Variants in HSPA4L observed in about 807,000 individuals in gnomAD.
The protein encoded by HSPA4L is heat shock protein family A (Hsp70) member 4 like, also known as heat shock 70 kDa protein 4L.
Under a neutral mutation model 100.3 loss-of-function variants are expected in HSPA4L, and 48 were observed. The ratio of observed to expected loss-of-function variants is 0.48; its 90% confidence interval spans 0.38 to 0.61. HSPA4L has a LOEUF of 0.61. Ranked by LOEUF, HSPA4L falls within the 20% of genes least tolerant of loss-of-function variation. The pLI is 0.00. For missense variants in HSPA4L, 886 were observed against 988.6 expected (o/e 0.90, Z 1.39); for synonymous variants, 319 against 328.2 (o/e 0.97, Z 0.30).
chr4:127,822,331 C>T lies in HSPA4L; in HGVS notation c.1813-438C>T, dbSNP rs139629583. Among the ~76,000 whole-genome samples the T allele has an allele frequency of 1.5e-3, 225 of 152,264 alleles. 4 individuals carry two copies. The highest frequency in any genetic ancestry group is 4.9e-3 in the African/African-American group (203 of 41,572). ...GACTTCAAGATTCCTTGTTTCAGCA[C>T]GTATCATAACTTCATTTCTTCTTAA... On this transcript the variant is annotated intron_variant, in intron 14 of 18. Coordinates refer to ENST00000296464, the MANE Select transcript of HSPA4L (RefSeq NM_014278.4).
intron 1 of HSPA4L, among the ~76,000 whole-genome samples, chr4:127,792,221 A>G (rs537586541): frequency 3.3e-5 from 5 of 152,300 alleles, no homozygotes; most frequent in Non-Finnish European, 7.3e-5. Flanking sequence ...TAAGATTATA[A>G]TCTGGCACCT....
chr4:127,783,649 T>C, intron 1 of HSPA4L: 1 of 1,535,288 alleles, frequency 6.5e-7, no homozygotes, highest in African/African-American at 1.4e-5. Context: ...GGAAACCAAC[T>C]GTATGAAACC....
rs768038412 is a variant in HSPA4L, at chr4:127,822,816, T to A, written c.1860T>A (p.Ala620=). 1 of 1,613,792 alleles carries A rather than the reference T, an allele frequency of 6.2e-7. No individual in the cohort carries two copies. Among genetic ancestry groups the A allele is most frequent in the East Asian group, 2.2e-5 (1 of 44,820 alleles). The change falls in exon 15 of 19, where the codon GCT becomes GCA. Residue 620 remains alanine, a synonymous_variant. Transcript: ENST00000296464. ...QDKLEKERND[A]KNAVEEYVYD... is the part of the protein sequence containing the mutation. ...AGTTAGAGAAAGAAAGAAATGATGCTAAGAATGCCGTTGAAGAATATGTAT... is the reference window on the plus strand; with the variant it reads ...AGTTAGAGAAAGAAAGAAATGATGCAAAGAATGCCGTTGAAGAATATGTAT...
At chr4:127,810,024 A>G (rs903538264) in intron 11 of HSPA4L, among the ~76,000 whole-genome samples, 1 of 152,184 alleles carries the variant, frequency 6.6e-6, no homozygotes, top group African/African-American at 2.4e-5. Context: ...CCAAGAATAA[A>G]TTACTAACCA....
Position 127,811,567 on chromosome 4 carries a change from G to C in HSPA4L, c.1509G>C (p.Leu503Phe). ...ASASVIEKQN[L>F]EGDHSDAPME... ...CATCAGTAATTGAGAAGCAAAATTTGGAAGGCGATCACAGTGATGCTCCAA... is the reference window on the plus strand; with the variant it reads ...CATCAGTAATTGAGAAGCAAAATTTCGAAGGCGATCACAGTGATGCTCCAA... Residue 503 changes from leucine to phenylalanine, a missense_variant, in exon 12 of 19, where the codon TTG becomes TTC. Physicochemically the swap from Leu to Phe is conservative, Grantham distance 22 (BLOSUM62 0). Transcript: ENST00000296464. 6.2e-7 allele frequency: 1 copy of C among 1,613,892 alleles called. No homozygotes were observed. Among genetic ancestry groups the C allele is most frequent in the Non-Finnish European group, 8.5e-7 (1 of 1,179,928 alleles).
intron 12 of HSPA4L, among the ~76,000 whole-genome samples, chr4:127,816,026 T>C (rs1163669969): frequency 6.6e-6 from 1 of 152,120 alleles, no homozygotes; most frequent in Non-Finnish European, 1.5e-5. Context: ...GTATAGGATA[T>C]AGGTGTGGAG....
At chr4:127,806,348 C>T (rs1368592996) in intron 10 of HSPA4L, among the ~76,000 whole-genome samples, 1 of 151,932 alleles carries the variant, frequency 6.6e-6, no homozygotes, top group Admixed American at 6.6e-5. Context: ...GTAAGAACAT[C>T]CTTGTGCACA....
At position 127,836,158 on chromosome 4, in the gene HSPA4L, G is replaced by C. The variant is rs946926331; in HGVS notation, c.*3284G>C. The C allele has an allele frequency of 6.6e-6, 1 of 152,430 alleles. No individual in the cohort carries two copies. Among genetic ancestry groups the C allele is most frequent in the East Asian group, 1.9e-4 (1 of 5,190 alleles). The allele number at this position is 152,430 out of a possible 1,614,324, so 9.4% of individuals were successfully genotyped here. On this transcript the variant is annotated 3_prime_UTR_variant, in exon 19 of 19. Coordinates refer to ENST00000296464, the MANE Select transcript of HSPA4L (RefSeq NM_014278.4). ...CAAGGCGGGCAGATCACGAGGTCAG[G>C]AGATCAAGACCATCCTGGCTAACAC... is the stretch of plus-strand genomic sequence containing the variant.
rs985928795 is a variant in HSPA4L at position 127,837,994 on chromosome 4, G to A, written c.*5120G>A. 6.6e-6 allele frequency: 1 copy of A among 151,884 alleles called. No individual in the cohort carries two copies. Among genetic ancestry groups the A allele is most frequent in the African/African-American group, 2.4e-5 (1 of 41,352 alleles). The allele number at this position is 151,884 out of a possible 1,614,324, so 9.4% of individuals were successfully genotyped here. On this transcript the variant is annotated 3_prime_UTR_variant, in exon 19 of 19. Coordinates refer to ENST00000296464, the MANE Select transcript of HSPA4L (RefSeq NM_014278.4). Reference sequence around the variant, plus strand: ...TAATTTTTGTATTTTTAGTAGATGGGGTTTCATCATGTTGGCCAGGCTGGT... The same window carrying A: ...TAATTTTTGTATTTTTAGTAGATGGAGTTTCATCATGTTGGCCAGGCTGGT...
rs1295958507 is a variant in HSPA4L at position 127,833,202 on chromosome 4, A to G, written c.*328A>G. 1.5e-5 allele frequency: 3 copies of G among 196,498 alleles called. No homozygotes were observed. Among genetic ancestry groups the G allele is most frequent in the African/African-American group, 2.3e-5 (1 of 43,376 alleles). 12.2% of individuals were successfully genotyped at this position (196,498 alleles called of 1,614,324 possible). On this transcript the variant is annotated 3_prime_UTR_variant, in exon 19 of 19. Transcript: ENST00000296464. The stretch of plus-strand genomic sequence containing the variant: ...GGGATAAACCTCAATTCCTTTATTC[A>G]GGAAAGGATACTTTATTGCATTATT...
Position 127,803,826 on chromosome 4 carries a change from C to T in HSPA4L, c.861C>T (p.Asn287=). 1.9e-6 allele frequency: 3 copies of T among 1,613,806 alleles called. No individual in the cohort carries two copies. The highest frequency in any genetic ancestry group is 2.5e-6 in the Non-Finnish European group (3 of 1,179,804). ...CAAATGCATCAGATCTTCCATTGAACATTGAGTGTTTCATGAATGACCTTG... is the reference window on the plus strand; with the variant it reads ...CAAATGCATCAGATCTTCCATTGAATATTGAGTGTTTCATGAATGACCTTG... ...MSANASDLPL[N]IECFMNDLDV... The change falls in exon 7 of 19, where the codon AAC becomes AAT. Residue 287 remains asparagine (N), a synonymous_variant. Transcript: ENST00000296464.
chr4:127,804,150 A>G, intron 8 of HSPA4L, 63 bp downstream of exon 8: 1 of 1,226,026 alleles, frequency 8.2e-7, no homozygotes, highest in Non-Finnish European at 1.2e-6. Context: ...GCGGGGGTAG[A>G]TAATGATAAA....
intron 12 of HSPA4L, chr4:127,813,456 G>A (rs1405857644): frequency 3.0e-6 from 1 of 329,192 alleles, no homozygotes; most frequent in Non-Finnish European, 5.5e-6. Flanking sequence ...AAGAGGAAAT[G>A]TCTTTATTTG....
rs374442936 is a variant in HSPA4L at position 127,810,348 on chromosome 4, C to T, written c.1379-1089C>T. Among the ~76,000 whole-genome samples, 27 of 152,166 alleles carry T rather than the reference C, an allele frequency of 1.8e-4. No homozygotes were observed. In the East Asian group the frequency reaches 5.0e-3, roughly 28 times the overall value. On this transcript the variant is annotated intron_variant, in intron 11 of 18. Transcript: ENST00000296464. ...TATATAAAGCAGTAAAATTATTGAA[C>T]ATTATATTAGTTTGCTAGGGCTGCT...
chr4:127,800,416 T>C (rs890581125), intron 4 of HSPA4L, among the ~76,000 whole-genome samples: 3 of 152,116 alleles, frequency 2.0e-5, no homozygotes, highest in Non-Finnish European at 2.9e-5. Context: ...TGCAGTGAGC[T>C]ATGATTGTAC....
chr4:127,840,180 C>T lies in HSPA4L; in HGVS notation c.*7306C>T, dbSNP rs990457605. On this transcript the variant is annotated 3_prime_UTR_variant, in exon 19 of 19. Transcript: ENST00000296464. ...AGGTTGTGGTGAGCCAAGATCACGC[C>T]ACTGCACTCCAGCCTGGGTGACAGA... is the stretch of plus-strand genomic sequence containing the variant. 6.6e-6 allele frequency: 1 copy of T among 152,228 alleles called. No homozygotes were observed. Among genetic ancestry groups the T allele is most frequent in the African/African-American group, 2.4e-5 (1 of 41,418 alleles). The allele number at this position is 152,228 out of a possible 1,614,324, so 9.4% of individuals were successfully genotyped here. A position where few individuals can be genotyped will look rare whatever the true frequency, so the allele number is the denominator to read the frequency against.
chr4:127,830,175 C>T lies in HSPA4L; in HGVS notation c.2167-463C>T, dbSNP rs541990793. Among the ~76,000 whole-genome samples, 125 of 152,258 alleles carry T rather than the reference C, an allele frequency of 8.2e-4. 1 individual carries two copies. The highest frequency in any genetic ancestry group is 2.8e-3 in the African/African-American group (118 of 41,534). On this transcript the variant is annotated intron_variant, in intron 17 of 18. Coordinates refer to ENST00000296464, the MANE Select transcript of HSPA4L (RefSeq NM_014278.4). ...GTGATTCTGTCACTACTAATCTAAACCATGACTACTTGGTTGTGTATTACA... is the reference window on the plus strand; with the variant it reads ...GTGATTCTGTCACTACTAATCTAAATCATGACTACTTGGTTGTGTATTACA...
At position 127,801,174 on chromosome 4, in the gene HSPA4L, G is replaced by T; in HGVS notation, c.466G>T (p.Val156Leu). The T allele has an allele frequency of 6.2e-7, 1 of 1,613,330 alleles. No homozygotes were observed. Among genetic ancestry groups the T allele is most frequent in the South Asian group, 1.1e-5 (1 of 91,008 alleles). ...TTTTACTGATGCCGAGAGAAGATCT[G>T]TGATGGCTGCAGCCCAGGTTGCAGG... ...SFFTDAERRSVMAAAQVAGLN... is the reference protein window; with the variant it reads ...SFFTDAERRSLMAAAQVAGLN... Residue 156 changes from valine to leucine, a missense_variant, in exon 5 of 19, where the codon GTG becomes TTG. Transcript: ENST00000296464.
intron 3 of HSPA4L, among the ~76,000 whole-genome samples, chr4:127,797,602 ATTT>A (rs200747966): frequency 7.3e-5 from 10 of 136,778 alleles, no homozygotes; most frequent in African/African-American, 2.2e-4. Context: ...TTTAAAAAAA[ATTT>A]TTTTTTTTTT....
Sources: allele counts gnomAD v4.1 joint callset (sites outside exome capture counted in the v4.1 genomes callset), GRCh38; gene constraint gnomAD v4.1.1; transcripts MANE v1.5; gene names NCBI Gene and HGNC (gene_info 2026-07-23, HGNC 2026-07-21).